FBXO25: variants seen among roughly 807,000 people sequenced by gnomAD.
The protein encoded by FBXO25 is F-box only protein 25.
In FBXO25, 45 loss-of-function variants were observed where a neutral mutation model predicts 51.9. The ratio of observed to expected loss-of-function variants is 0.87; its 90% CI spans 0.68 to 1.11. The LOEUF is 1.11. Ranked by LOEUF, FBXO25 falls within the 50% of genes most tolerant of loss-of-function variation. The pLI, the probability that FBXO25 is intolerant of heterozygous loss-of-function variation, is 0.00. For synonymous variants in FBXO25, 199 were observed against 151.0 expected (o/e 1.32, Z -2.33); for missense variants, 507 against 428.5 (o/e 1.18, Z -1.62).
At chr8:454,308 G>A (rs1172195565) in intron 7 of FBXO25, among the ~76,000 whole-genome samples, 2 of 152,222 alleles carry the variant, frequency 1.3e-5, no homozygotes, top group Non-Finnish European at 2.9e-5. Context: ...TGAATTGGAA[G>A]TGCTTTCATG....
chr8:457,930 C>G (rs75449849), intron 7 of FBXO25, among the ~76,000 whole-genome samples: 8,317 of 152,322 alleles, frequency 0.055, 238 homozygotes, highest in Middle Eastern at 0.085. Context: ...AGGGGCTGTC[C>G]AGGCCACCCA....
chr8:465,178 C>T (rs912743192), intron 9 of FBXO25, among the ~76,000 whole-genome samples: 2 of 149,732 alleles, frequency 1.3e-5, no homozygotes, highest in African/African-American at 4.8e-5. Flanking sequence ...TGACACCTGA[C>T]CCTGGAGGGA....
rs1357808858 is a variant in FBXO25, at chr8:477,260, G to T, written c.*8456G>T. 3 of 152,212 alleles carry T rather than the reference G, an allele frequency of 2.0e-5. No individual in the cohort carries two copies. The highest frequency in any genetic ancestry group is 1.3e-4 in the Admixed American group (2 of 15,278). The allele number at this position is 152,212 out of a possible 1,614,324, so 9.4% of individuals were successfully genotyped here. On this transcript the variant is annotated 3_prime_UTR_variant, in exon 10 of 10. Coordinates refer to ENST00000350302, the MANE Select transcript of FBXO25 (RefSeq NM_183420.2). ...TGAGAAAAACGTGTGTACTGCTGTT[G>T]TGTCTGTTAGGTCCAGCTGGTATGA... is the stretch of plus-strand genomic sequence containing the variant.
intron 2 of FBXO25, among the ~76,000 whole-genome samples, chr8:429,025 T>G (rs1435307745): frequency 1.3e-5 from 2 of 152,194 alleles, no homozygotes; most frequent in Non-Finnish European, 2.9e-5. Context: ...TCTCTTTCAT[T>G]CTCTGCTTTC....
At chr8:422,081 C>T (rs1380205613) in intron 2 of FBXO25, among the ~76,000 whole-genome samples, 1 of 152,256 alleles carries the variant, frequency 6.6e-6, no homozygotes, top group South Asian at 2.1e-4. Flanking sequence ...TAAGCACAGT[C>T]CCTTGACAGA....
At chr8:425,024 C>T (rs1302554081) in intron 2 of FBXO25, among the ~76,000 whole-genome samples, 1 of 152,006 alleles carries the variant, frequency 6.6e-6, no homozygotes, top group Non-Finnish European at 1.5e-5. Flanking sequence ...TATAAAGTTG[C>T]CTGTAATGAT....
chr8:442,937 A>AC (rs1052442732), intron 5 of FBXO25, among the ~76,000 whole-genome samples: 1 of 152,156 alleles, frequency 6.6e-6, no homozygotes, highest in Non-Finnish European at 1.5e-5. Context: ...TCCTATAATT[A>AC]CCCCCATAAA....
rs374264911 is a variant in FBXO25 at position 468,705 on chromosome 8, C to G, written c.988-10C>G. 7 of 1,612,598 alleles carry G rather than the reference C, an allele frequency of 4.3e-6. No individual in the cohort carries two copies. The highest frequency in any genetic ancestry group is 5.9e-6 in the Non-Finnish European group (7 of 1,179,274). ...GGGCCCCCTCCTAACCATCTCCCAC[C>G]TCCCCACAGGACTCAGGACACCCCT... On this transcript the variant is annotated splice_polypyrimidine_tract_variant and intron_variant, in intron 9 of 9. Transcript: ENST00000350302.
In FBXO25 at chr8:474,934, C is replaced by G. The variant is rs1800598422; in HGVS notation, c.*6130C>G. The stretch of plus-strand genomic sequence containing the variant: ...TCATTTTAAAATACTTTGTCCCATT[C>G]CGTGGATTGCCTTTCACTCTGTTTT... On this transcript the variant is annotated 3_prime_UTR_variant, in exon 10 of 10. Coordinates refer to ENST00000350302, the MANE Select transcript of FBXO25 (RefSeq NM_183420.2). 1 of 451,624 alleles carries G rather than the reference C, an allele frequency of 2.2e-6. No individual in the cohort carries two copies. Among genetic ancestry groups the G allele is most frequent in the African/African-American group, 2.0e-5 (1 of 49,268 alleles). The allele number at this position is 451,624 out of a possible 1,614,324, so 28.0% of individuals were successfully genotyped here.
chr8:454,079 G>A (rs1229337917), intron 7 of FBXO25, among the ~76,000 whole-genome samples: 4 of 152,096 alleles, frequency 2.6e-5, no homozygotes, highest in South Asian at 2.1e-4. Context: ...AGCCGAGATC[G>A]TGCCATTGCA....
In FBXO25 at chr8:423,256, G is replaced by C. The variant is rs1445901152; in HGVS notation, c.135-8085G>C. The stretch of plus-strand genomic sequence containing the variant: ...AGCTGGGGCTAGAGTCTTCACCATT[G>C]TGGTTCTTACTCAGAGTTGTCTGGT... On this transcript the variant is annotated intron_variant, in intron 2 of 9. Coordinates refer to ENST00000350302, the MANE Select transcript of FBXO25 (RefSeq NM_183420.2). Among the ~76,000 whole-genome samples the C allele has an allele frequency of 2.0e-5, 3 of 152,166 alleles. No individual in the cohort carries two copies. The East Asian group carries it at 5.8e-4, about 29-fold the overall frequency.
At chr8:418,641 G>A (rs1390782713) in intron 2 of FBXO25, among the ~76,000 whole-genome samples, 1 of 152,040 alleles carries the variant, frequency 6.6e-6, no homozygotes, top group Admixed American at 6.6e-5. Context: ...TTCCCGGCTT[G>A]TTTCTTTATT....
At position 435,350 on chromosome 8, in the gene FBXO25, G is replaced by T. The variant is rs1312763532; in HGVS notation, c.289-265G>T. The T allele has an allele frequency of 6.3e-6, 3 of 473,746 alleles. No homozygotes were observed. The East Asian group carries it at 1.3e-4, about 20-fold the overall frequency. 29.3% of individuals were successfully genotyped at this position (473,746 alleles called of 1,614,324 possible). On this transcript the variant is annotated intron_variant, in intron 4 of 9. Transcript: ENST00000350302. ...TGTCCCCAACAAAACAAACCGGCAA[G>T]ATATTTAATAAATATTTGTCTTTGT...
intron 1 of FBXO25, 89 bp from the exon 2 acceptor site, chr8:412,984 T>C: frequency 9.4e-7 from 1 of 1,065,980 alleles, no homozygotes; most frequent in Non-Finnish European, 1.3e-6. Context: ...TGTTAAGAAC[T>C]TTAATCTTTA....
At chr8:464,539 C>T (rs1047066352) in intron 9 of FBXO25, among the ~76,000 whole-genome samples, 1 of 152,156 alleles carries the variant, frequency 6.6e-6, no homozygotes, top group African/African-American at 2.4e-5. Flanking sequence ...GAGGCTTTTG[C>T]CTGATAGACA....
In FBXO25 at chr8:468,307, C is replaced by A. The variant is rs139034507; in HGVS notation, c.988-408C>A. 3.7e-5 allele frequency: 37 copies of A among 1,013,548 alleles called. No individual in the cohort carries two copies. In the African/African-American group the frequency reaches 5.5e-4, roughly 15 times the overall value. 62.8% of individuals were successfully genotyped at this position (1,013,548 alleles called of 1,614,324 possible). ...GGGATGAATGGCGGGTGGAGGGAAC[C>A]CTGTGTAACAAAGTGAGCCAGGAAC... On this transcript the variant is annotated intron_variant, in intron 9 of 9. Transcript: ENST00000350302.
chr8:410,188 A>G (rs768266871), intron 1 of FBXO25, among the ~76,000 whole-genome samples: 5 of 152,210 alleles, frequency 3.3e-5, no homozygotes, highest in Non-Finnish European at 5.9e-5. Flanking sequence ...TTGTGGACAT[A>G]TCTGTATGTA....
Position 432,941 on chromosome 8 carries a change from T to A in FBXO25, c.288+6T>A, listed in dbSNP as rs1400655305. The A allele has an allele frequency of 6.4e-7, 1 of 1,554,238 alleles. No homozygotes were observed. The highest frequency in any genetic ancestry group is 2.1e-5 in the Admixed American group (1 of 48,682). ...ATAAAGAAAGCACAAAGGAAGTAAG[T>A]ATTCTATTATAAATATGAGAGTATC... On this transcript the variant is annotated splice_donor_region_variant and intron_variant, in intron 4 of 9. Coordinates refer to ENST00000350302, the MANE Select transcript of FBXO25 (RefSeq NM_183420.2).
intron 2 of FBXO25, among the ~76,000 whole-genome samples, chr8:420,129 C>G (rs1797060299): frequency 6.6e-6 from 1 of 152,052 alleles, no homozygotes; most frequent in African/African-American, 2.4e-5. Flanking sequence ...CCATTTGGGG[C>G]AAGCAGCTGA....
Sources: allele counts gnomAD v4.1 joint callset (sites outside exome capture counted in the v4.1 genomes callset), GRCh38; gene constraint gnomAD v4.1.1; transcripts MANE v1.5; gene names NCBI Gene and HGNC (gene_info 2026-07-23, HGNC 2026-07-21).